Variants in FAM178B observed in about 807,000 individuals in gnomAD.
FAM178B encodes the protein protein FAM178B.
In FAM178B, 82 loss-of-function variants were observed where a neutral mutation model predicts 91.7. That is an observed-to-expected ratio of 0.89 (90% CI 0.75 to 1.07). FAM178B has a LOEUF of 1.07. Ranked by LOEUF, FAM178B falls within the 50% of genes least tolerant of loss-of-function variation. The pLI is 0.00. For missense variants in FAM178B, 769 were observed against 846.7 expected (o/e 0.91, Z 1.14); for synonymous variants, 368 against 359.4 (o/e 1.02, Z -0.27).
At chr2:96,896,437 C>A (rs934396740) in intron 13 of FAM178B, among the ~76,000 whole-genome samples, 1 of 152,126 alleles carries the variant, frequency 6.6e-6, no homozygotes, top group African/African-American at 2.4e-5. Context: ...GTTGTTTGGG[C>A]CTTGCAGGAA....
At chr2:96,909,916 C>G (rs1297695413) in intron 12 of FAM178B, among the ~76,000 whole-genome samples, 2 of 152,228 alleles carry the variant, frequency 1.3e-5, no homozygotes, top group Non-Finnish European at 2.9e-5. Context: ...GTGACAGGGC[C>G]TGCCCTCTGG....
chr2:96,932,393 G>A (rs895985258), intron 8 of FAM178B, among the ~76,000 whole-genome samples: 5 of 152,330 alleles, frequency 3.3e-5, no homozygotes, highest in African/African-American at 7.2e-5. Flanking sequence ...ATCAGCAGCC[G>A]TGGAGGCTGG....
At chr2:96,953,556 C>G (rs958145582) in intron 6 of FAM178B, among the ~76,000 whole-genome samples, 2 of 152,226 alleles carry the variant, frequency 1.3e-5, no homozygotes, top group East Asian at 3.8e-4. Context: ...GCTATGTGGG[C>G]TTTGCAGTTT....
chr2:96,974,120 C>T (rs1473932361), intron 1 of FAM178B, among the ~76,000 whole-genome samples: 5 of 152,042 alleles, frequency 3.3e-5, no homozygotes, highest in South Asian at 4.2e-4. Flanking sequence ...CAGTGGCTCA[C>T]GCCTGTAATC....
chr2:96,910,492 T>C (rs931655778), intron 12 of FAM178B, among the ~76,000 whole-genome samples: 4 of 152,240 alleles, frequency 2.6e-5, no homozygotes, highest in African/African-American at 9.6e-5. Flanking sequence ...TGTTGTTCCG[T>C]CTGCATCAGG....
chr2:96,950,137 C>T lies in FAM178B; in HGVS notation c.993+1242G>A, dbSNP rs947737621. On this transcript the variant is annotated intron_variant, in intron 7 of 16. Transcript: ENST00000490605. ...GACACGCCCCCGGGAAGGCACTCCA[C>T]GCCAGTGTCAGGGTGACGCAGGGCC... The T allele has an allele frequency of 1.1e-5, 11 of 985,426 alleles. No individual in the cohort carries two copies. The Admixed American group carries it at 3.1e-4, about 28-fold the overall frequency. 61.0% of individuals were successfully genotyped at this position (985,426 alleles called of 1,614,324 possible). A position where few individuals can be genotyped will look rare whatever the true frequency, so the allele number is the denominator to read the frequency against.
chr2:96,977,452 A>T (rs2082306340), intron 1 of FAM178B, among the ~76,000 whole-genome samples: 1 of 135,416 alleles, frequency 7.4e-6, no homozygotes, highest in African/African-American at 2.7e-5. Flanking sequence ...CCTTTTGGGA[A>T]TTTTTTTTTT....
intron 14 of FAM178B, among the ~76,000 whole-genome samples, chr2:96,879,037 C>T (rs1269498432): frequency 6.6e-6 from 1 of 152,228 alleles, no homozygotes; most frequent in Non-Finnish European, 1.5e-5. Flanking sequence ...GAAAACAGGA[C>T]GCAGGCCTGC....
chr2:96,945,273 C>A (rs572581063), intron 8 of FAM178B, among the ~76,000 whole-genome samples: 1 of 152,176 alleles, frequency 6.6e-6, no homozygotes, highest in East Asian at 1.9e-4. Context: ...TACCGCCCCA[C>A]CCCCCACACA....
At chr2:96,934,007 T>C (rs1200918960) in intron 8 of FAM178B, among the ~76,000 whole-genome samples, 10 of 152,390 alleles carry the variant, frequency 6.6e-5, no homozygotes, top group South Asian at 6.2e-4. Flanking sequence ...TGTTTCAATA[T>C]TGCCAGCTTT....
At chr2:96,960,999 C>T (rs1476763647) in intron 5 of FAM178B, among the ~76,000 whole-genome samples, 1 of 152,154 alleles carries the variant, frequency 6.6e-6, no homozygotes, top group Non-Finnish European at 1.5e-5. Context: ...TCAGGGCCAG[C>T]AGTCCTCAAG....
At chr2:96,920,064 T>A in intron 12 of FAM178B, among the ~76,000 whole-genome samples, 1 of 149,890 alleles carries the variant, frequency 6.7e-6, no homozygotes, top group Non-Finnish European at 1.5e-5. Context: ...AGTTGAGGGG[T>A]AGGAAAGGAG....
chr2:96,977,194 C>CAAAAAAAAAAAAAAAAAA (rs70964891), intron 1 of FAM178B, among the ~76,000 whole-genome samples: 3 of 38,518 alleles, frequency 7.8e-5, no homozygotes, highest in Admixed American at 3.6e-4. Context: ...GACTCTGTCT[C>CAAAAAAAAAAAAAAAAAA]AAAAAAAAAA....
rs1247654652 is a variant in FAM178B at position 96,972,108 on chromosome 2, G to T, written c.357C>A (p.Asn119Lys). Residue 119 changes from asparagine to lysine, a missense_variant, in exon 3 of 17, where the codon AAC becomes AAA. Physicochemically the swap from Asn to Lys is moderately conservative, Grantham distance 94. Transcript: ENST00000490605. ...CCCGACTGGCCTGCAGCACCCTCGGGTTGAGGAATTCCACGGGCGGGGGGC... is the reference window on the plus strand; with the variant it reads ...CCCGACTGGCCTGCAGCACCCTCGGTTTGAGGAATTCCACGGGCGGGGGGC... ...DWSPPPVEFL[N>K]PRVLQASREA... The T allele has an allele frequency of 6.6e-7, 1 of 1,524,024 alleles. No individual in the cohort carries two copies. Among genetic ancestry groups the T allele is most frequent in the South Asian group, 1.3e-5 (1 of 79,706 alleles). The allele number at this position is 1,524,024 out of a possible 1,614,324, so 94.4% of individuals were successfully genotyped here.
chr2:96,944,451 G>A (rs2081787763), intron 8 of FAM178B, among the ~76,000 whole-genome samples: 1 of 152,068 alleles, frequency 6.6e-6, no homozygotes, highest in Non-Finnish European at 1.5e-5. Context: ...TAAAAAGAGG[G>A]GAAAGTATGA....
At chr2:96,879,859 G>T (rs901264470) in intron 14 of FAM178B, among the ~76,000 whole-genome samples, 4 of 152,254 alleles carry the variant, frequency 2.6e-5, no homozygotes, top group African/African-American at 9.6e-5. Flanking sequence ...CGAGTTGCCC[G>T]GCCCAGCTGG....
At chr2:96,978,488 C>G (rs1057045464) in intron 1 of FAM178B, among the ~76,000 whole-genome samples, 1 of 152,158 alleles carries the variant, frequency 6.6e-6, no homozygotes, top group Non-Finnish European at 1.5e-5. Flanking sequence ...TGGCTTCCTT[C>G]TGTACATCCA....
chr2:96,935,287 A>G (rs2872686), intron 8 of FAM178B, among the ~76,000 whole-genome samples: 46,708 of 152,184 alleles, frequency 0.31, 12,191 homozygotes, highest in African/African-American at 0.71. Context: ...GCAGAGACCC[A>G]ACTGTACCTG....
Position 96,958,683 on chromosome 2 carries a change from C to A in FAM178B, c.887+1605G>T, listed in dbSNP as rs1249935510. On this transcript the variant is annotated intron_variant, in intron 6 of 16. Coordinates refer to ENST00000490605, the MANE Select transcript of FAM178B (RefSeq NM_001122646.3). The stretch of plus-strand genomic sequence containing the variant: ...CCAGCCTGGGCGACAGAGTGAGACT[C>A]CATCTCAAAATACTAAAAAAAAAAA... Among the ~76,000 whole-genome samples the A allele has an allele frequency of 3.1e-5, 3 of 98,022 alleles. 1 individual carries two copies. The highest frequency in any genetic ancestry group is 5.5e-5 in the Non-Finnish European group (3 of 54,668). 64.3% of individuals were successfully genotyped at this position (98,022 alleles called of 152,430 possible).
Sources: allele counts gnomAD v4.1 joint callset (sites outside exome capture counted in the v4.1 genomes callset), GRCh38; gene constraint gnomAD v4.1.1; transcripts MANE v1.5; gene names NCBI Gene and HGNC (gene_info 2026-07-23, HGNC 2026-07-21).